Variants in COL5A1 observed in about 807,000 individuals in gnomAD.
COL5A1 encodes collagen type V alpha 1 chain.
COL5A1 carries 16 observed loss-of-function variants against 263.7 expected under a neutral mutation model. The ratio of observed to expected loss-of-function variants is 0.06; its 90% CI spans 0.04 to 0.09. COL5A1 has a LOEUF of 0.09. Ranked by LOEUF, COL5A1 falls within the 10% of genes least tolerant of loss-of-function variation. The pLI is 1.00. For synonymous variants in COL5A1, 1,012 were observed against 1,004.5 expected (o/e 1.01, Z -0.14); for missense variants, 2,036 against 2,540.5 (o/e 0.80, Z 4.27).
At chr9:134,714,012 TC>T (rs930349676) in intron 4 of COL5A1, among the ~76,000 whole-genome samples, 6 of 152,218 alleles carry the variant, frequency 3.9e-5, no homozygotes, top group African/African-American at 1.4e-4. Context: ...CTCCTTGACC[TC>T]CCAGGCAAAG....
At chr9:134,727,947 C>A (rs887715994) in intron 5 of COL5A1, among the ~76,000 whole-genome samples, 8 of 152,246 alleles carry the variant, frequency 5.3e-5, no homozygotes, top group African/African-American at 1.9e-4. Flanking sequence ...TGCAGTTTTT[C>A]TTATTTGCAG....
At chr9:134,792,190 T>C (rs1241842152) in intron 32 of COL5A1, among the ~76,000 whole-genome samples, 1 of 152,164 alleles carries the variant, frequency 6.6e-6, no homozygotes, top group Non-Finnish European at 1.5e-5. Context: ...AGCCAGCTGC[T>C]TTGGGGGAAG....
At chr9:134,761,529 T>C (rs1836443383) in intron 18 of COL5A1, among the ~76,000 whole-genome samples, 1 of 152,230 alleles carries the variant, frequency 6.6e-6, no homozygotes, top group Non-Finnish European at 1.5e-5. Flanking sequence ...GAGCACCCAC[T>C]GCGTGCGAGC....
At chr9:134,773,702 G>A (rs752182338) in intron 26 of COL5A1, among the ~76,000 whole-genome samples, 1 of 152,220 alleles carries the variant, frequency 6.6e-6, no homozygotes, top group Non-Finnish European at 1.5e-5. Flanking sequence ...TGGTAGGCCA[G>A]GACTGACCCT....
intron 34 of COL5A1, 33 bp downstream of exon 34, chr9:134,795,348 G>T: frequency 6.2e-7 from 1 of 1,605,564 alleles, no homozygotes; most frequent in Non-Finnish European, 8.5e-7. Context: ...GGTGGGCGGC[G>T]TGAACCCAAG....
chr9:134,802,851 T>TCGAAA, intron 38 of COL5A1, 37 bp from the exon 39 acceptor site: 1 of 1,486,928 alleles, frequency 6.7e-7, no homozygotes, highest in Non-Finnish European at 9.3e-7. Flanking sequence ...TGCAAGTCAC[T>TCGAAA]CGAAACGTCT....
intron 18 of COL5A1, among the ~76,000 whole-genome samples, chr9:134,760,719 ACACACATGCACACACAC>A (rs1006505895): frequency 1.2e-4 from 16 of 137,794 alleles, no homozygotes; most frequent in South Asian, 2.6e-4. Context: ...ACACACCCAT[ACACACATGCACACACAC>A]CACACATGCA....
Position 134,763,695 on chromosome 9 carries a change from T to C in COL5A1, c.1992T>C (p.Gly664=). 6.2e-7 allele frequency: 1 copy of C among 1,613,488 alleles called. No homozygotes were observed. Among genetic ancestry groups the C allele is most frequent in the Non-Finnish European group, 8.5e-7 (1 of 1,179,690 alleles). ...CTTGCCTTTTTTCTCCTCTGCAGGG[T>C]GACGACGGAGAAGTTGGGCCCAGGG... is the stretch of plus-strand genomic sequence containing the variant. ...PGPPGDDGER[G]DDGEVGPRGL... is the part of the protein sequence containing the mutation. Residue 664 remains glycine (G), a splice_region_variant and synonymous_variant, in exon 20 of 66, where the codon GGT becomes GGC. Coordinates refer to ENST00000371817, the MANE Select transcript of COL5A1 (RefSeq NM_000093.5).
intron 11 of COL5A1, among the ~76,000 whole-genome samples, chr9:134,747,489 TCA>T (rs1404271391): frequency 6.8e-6 from 1 of 146,968 alleles, no homozygotes; most frequent in Non-Finnish European, 1.5e-5. Flanking sequence ...ACACATGCAT[TCA>T]CACACATGCA....
chr9:134,758,474 CTT>C lies in COL5A1; in HGVS notation c.1935+180_1935+181del, dbSNP rs984510268. Among the ~76,000 whole-genome samples, 3 of 152,106 alleles carry C rather than the reference CTT, an allele frequency of 2.0e-5. No individual in the cohort carries two copies. The highest frequency in any genetic ancestry group is 7.2e-5 in the African/African-American group (3 of 41,400). On this transcript the variant is annotated intron_variant, in intron 18 of 65. Coordinates refer to ENST00000371817, the MANE Select transcript of COL5A1 (RefSeq NM_000093.5). This position sits in a 1 kb window ranked among gnomAD's most constrained non-coding sequence, Gnocchi z 4.1. ...ATGGCAGTGAGCCCCAAGATGATGT[CTT>C]TGTTGATGGGTGGCCAGCCCAAAGG...
intron 19 of COL5A1, 43 bp downstream of exon 19, chr9:134,762,021 C>A (rs1464192402): frequency 5.6e-6 from 9 of 1,594,266 alleles, no homozygotes; most frequent in Non-Finnish European, 6.0e-6. Flanking sequence ...GCCTGCCCTA[C>A]TCCTCAGTGA....
At position 134,820,236 on chromosome 9, in the gene COL5A1, G is replaced by A; in HGVS notation, c.4554+13G>A. The A allele has an allele frequency of 1.3e-6, 2 of 1,599,016 alleles. No homozygotes were observed. The highest frequency in any genetic ancestry group is 1.1e-5 in the South Asian group (1 of 90,794). ...TAAGGGAGAACAGGTGCGTGAGATGGCACTTCTTGCATGTGGGCTGTCGAG... is the reference window on the plus strand; with the variant it reads ...TAAGGGAGAACAGGTGCGTGAGATGACACTTCTTGCATGTGGGCTGTCGAG... On this transcript the variant is annotated intron_variant, in intron 58 of 65. Transcript: ENST00000371817.
intron 4 of COL5A1, among the ~76,000 whole-genome samples, chr9:134,702,394 G>A (rs760074947): frequency 2.0e-5 from 3 of 152,066 alleles, no homozygotes; most frequent in African/African-American, 4.8e-5. Context: ...GAGCGCTGCC[G>A]TGAGCTCCTG....
In COL5A1 at chr9:134,842,318, G is replaced by A. The variant is rs757066762; in HGVS notation, c.*15G>A. 4.8e-5 allele frequency: 78 copies of A among 1,613,726 alleles called. No homozygotes were observed. The highest frequency in any genetic ancestry group is 2.1e-4 in the South Asian group (19 of 91,062). On this transcript the variant is annotated 3_prime_UTR_variant, in exon 66 of 66. Transcript: ENST00000371817. The surrounding 1 kb of genome is among the most constrained non-coding windows in gnomAD (Gnocchi z 5.8). The stretch of plus-strand genomic sequence containing the variant: ...TCATGGGCTAGGAGCCGCCGAGCCC[G>A]GGCTCCCGAGAGCAACCTCGTGACC...
At chr9:134,838,703 AGAG>A (rs1564189953) in intron 65 of COL5A1, among the ~76,000 whole-genome samples, 1 of 152,224 alleles carries the variant, frequency 6.6e-6, no homozygotes, top group African/African-American at 2.4e-5. Flanking sequence ...CTGGGCAGGG[AGAG>A]GAGAAGCAGC....
In COL5A1 at chr9:134,741,316, C is replaced by T. The variant is rs71506919; in HGVS notation, c.1494+2508C>T. On this transcript the variant is annotated intron_variant, in intron 11 of 65. Transcript: ENST00000371817. This position sits in a 1 kb window ranked among gnomAD's most constrained non-coding sequence, Gnocchi z 4.5. ...TTTAACACTTTTAATCTTCTATGCA[C>T]GGGGGCTTCGCAGACAAGAAGTAAA... Among the ~76,000 whole-genome samples, 1,950 of 152,234 alleles carry T rather than the reference C, an allele frequency of 0.013. 32 individuals are homozygous for T. The highest frequency in any genetic ancestry group is 0.032 in the African/African-American group (1,321 of 41,522).
In COL5A1 at chr9:134,842,490, C is replaced by T. The variant is rs565085023; in HGVS notation, c.*187C>T. 2.7e-4 allele frequency: 186 copies of T among 696,618 alleles called. 1 individual carries two copies. The highest frequency in any genetic ancestry group is 2.6e-3 in the African/African-American group (145 of 56,316). 43.2% of individuals were successfully genotyped at this position (696,618 alleles called of 1,614,324 possible). A position where few individuals can be genotyped will look rare whatever the true frequency, so the allele number is the denominator to read the frequency against. ...CCCGGAGAGAACAGAGGGAAGGAGCCGCGCCCCCACCTGGAGCTGAATCAC... is the reference window on the plus strand; with the variant it reads ...CCCGGAGAGAACAGAGGGAAGGAGCTGCGCCCCCACCTGGAGCTGAATCAC... On this transcript the variant is annotated 3_prime_UTR_variant, in exon 66 of 66. Transcript: ENST00000371817. This position sits in a 1 kb window ranked among gnomAD's most constrained non-coding sequence, Gnocchi z 5.8.
At chr9:134,825,513 A>G (rs1453725789) in intron 62 of COL5A1, among the ~76,000 whole-genome samples, 2 of 152,116 alleles carry the variant, frequency 1.3e-5, no homozygotes, top group East Asian at 3.9e-4. Context: ...GTCCACCCAG[A>G]GAGTAGGCCG....
Position 134,700,977 on chromosome 9 carries a change from G to A in COL5A1, c.492-194G>A, listed in dbSNP as rs945666371. ...TTGTCTGAGGGACGAGGGTTCTGGGGAATGAGTAGATCTCATGGCACGGGG... is the reference window on the plus strand; with the variant it reads ...TTGTCTGAGGGACGAGGGTTCTGGGAAATGAGTAGATCTCATGGCACGGGG... On this transcript the variant is annotated intron_variant, in intron 3 of 65. Coordinates refer to ENST00000371817, the MANE Select transcript of COL5A1 (RefSeq NM_000093.5). This position sits in a 1 kb window ranked among gnomAD's most constrained non-coding sequence, Gnocchi z 4.0. 3.3e-5 allele frequency among the ~76,000 whole-genome samples: 5 copies of A among 152,170 alleles called. No individual in the cohort carries two copies. Among genetic ancestry groups the A allele is most frequent in the African/African-American group, 1.2e-4 (5 of 41,436 alleles).
Sources: allele counts gnomAD v4.1 joint callset (sites outside exome capture counted in the v4.1 genomes callset), GRCh38; gene constraint gnomAD v4.1.1; non-coding constraint Gnocchi (gnomAD v3.1); transcripts MANE v1.5; gene names NCBI Gene and HGNC (gene_info 2026-07-23, HGNC 2026-07-21).